PARD3: variants seen among roughly 807,000 people sequenced by gnomAD.
PARD3 encodes the protein par-3 family cell polarity regulator.
PARD3 carries 75 observed loss-of-function variants against 155.4 expected under a neutral mutation model. The observed-to-expected ratio is 0.48, with a 90% CI of 0.40 to 0.58. The LOEUF is 0.58. Among genes scored for constraint, PARD3 ranks in the 20% least tolerant of loss-of-function variants. The pLI, the probability that PARD3 is intolerant of heterozygous loss-of-function variation, is 0.00. For missense variants in PARD3, 1,642 were observed against 1,721.7 expected, an observed-to-expected ratio of 0.95 and a Z score of 0.82; for synonymous variants, 576 against 610.5, an observed-to-expected ratio of 0.94 and a Z score of 0.83.
chr10:34,629,269 T>C (rs893450233), intron 2 of PARD3, among the ~76,000 whole-genome samples: 1 of 152,212 alleles, frequency 6.6e-6, no homozygotes, highest in African/African-American at 2.4e-5. Flanking sequence ...CCTGTTAAAA[T>C]TAAATTCCAA....
intron 2 of PARD3, among the ~76,000 whole-genome samples, chr10:34,531,093 T>C (rs1441211809): frequency 1.3e-5 from 2 of 152,226 alleles, no homozygotes; most frequent in Non-Finnish European, 2.9e-5. Flanking sequence ...GCTCAGGGGT[T>C]AGCAGCTTTG....
At chr10:34,225,027 A>G (rs1323283237) in intron 22 of PARD3, among the ~76,000 whole-genome samples, 1 of 152,202 alleles carries the variant, frequency 6.6e-6, no homozygotes, top group East Asian at 1.9e-4. Flanking sequence ...AAAAAAAGAG[A>G]CCAAGATTTT....
At chr10:34,737,296 A>G (rs1253341960) in intron 1 of PARD3, among the ~76,000 whole-genome samples, 3 of 152,234 alleles carry the variant, frequency 2.0e-5, no homozygotes, top group African/African-American at 7.2e-5. Flanking sequence ...CTATGTGCTC[A>G]GGCAAGGAAG....
At chr10:34,504,134 ATTTT>A (rs374290812) in intron 3 of PARD3, among the ~76,000 whole-genome samples, 2 of 147,534 alleles carry the variant, frequency 1.4e-5, no homozygotes, top group African/African-American at 5.0e-5. Flanking sequence ...GAGCCCCCAG[ATTTT>A]TTTTTTTAAG....
intron 20 of PARD3, among the ~76,000 whole-genome samples, chr10:34,307,288 G>C (rs1036069712): frequency 6.6e-6 from 1 of 152,116 alleles, no homozygotes; most frequent in African/African-American, 2.4e-5. Context: ...TTTAAGGGAA[G>C]AAACACTTGG....
intron 2 of PARD3, among the ~76,000 whole-genome samples, chr10:34,638,131 C>T (rs2092549037): frequency 6.6e-6 from 1 of 152,156 alleles, no homozygotes; most frequent in South Asian, 2.1e-4. Flanking sequence ...CTAAAGGAGG[C>T]TGTGTGATTC....
chr10:34,334,558 T>A (rs1835952905), intron 18 of PARD3, among the ~76,000 whole-genome samples: 1 of 151,678 alleles, frequency 6.6e-6, no homozygotes, highest in African/African-American at 2.4e-5. Context: ...GAAAGAAAAA[T>A]AAGTGAAAAT....
intron 22 of PARD3, among the ~76,000 whole-genome samples, chr10:34,181,372 C>T (rs1025006786): frequency 3.9e-5 from 6 of 152,098 alleles, no homozygotes; most frequent in Non-Finnish European, 8.8e-5. Flanking sequence ...TTCAAAAATA[C>T]GTATCTGTAT....
chr10:34,213,632 G>A (rs190628841), intron 22 of PARD3, among the ~76,000 whole-genome samples: 91 of 152,242 alleles, frequency 6.0e-4, no homozygotes, highest in African/African-American at 2.0e-3. Context: ...TTGGTTATGT[G>A]GGAGGTGTAA....
intron 1 of PARD3, among the ~76,000 whole-genome samples, chr10:34,750,333 T>C (rs899294270): frequency 6.7e-6 from 1 of 150,162 alleles, no homozygotes; most frequent in African/African-American, 2.4e-5. Context: ...CTATGGAAAA[T>C]AGGACATTTC....
intron 22 of PARD3, among the ~76,000 whole-genome samples, chr10:34,177,932 G>A (rs1250718986): frequency 6.6e-6 from 1 of 152,032 alleles, no homozygotes; most frequent in African/African-American, 2.4e-5. Flanking sequence ...ACTGCTTCTC[G>A]CTTTATAAAG....
chr10:34,742,536 T>C (rs556669028), intron 1 of PARD3, among the ~76,000 whole-genome samples: 118 of 152,284 alleles, frequency 7.7e-4, no homozygotes, highest in Middle Eastern at 3.4e-3. Flanking sequence ...TCCGTGTTCA[T>C]TAAGTGTCCT....
chr10:34,499,597 AC>A (rs2080540052), intron 3 of PARD3, among the ~76,000 whole-genome samples: 1 of 152,228 alleles, frequency 6.6e-6, no homozygotes, highest in Admixed American at 6.5e-5. Context: ...TATGAAGTAC[AC>A]ATTTAAACAT....
intron 3 of PARD3, among the ~76,000 whole-genome samples, chr10:34,498,999 C>G (rs773992): frequency 1.7e-3 from 266 of 152,290 alleles, no homozygotes; most frequent in African/African-American, 6.1e-3. Flanking sequence ...TCACCATTTT[C>G]ATTACCAATA....
intron 4 of PARD3, among the ~76,000 whole-genome samples, chr10:34,452,577 G>C (rs1589629098): frequency 1.3e-5 from 2 of 152,058 alleles, no homozygotes; most frequent in African/African-American, 4.8e-5. Flanking sequence ...GTATGCTACT[G>C]GTACCCACCC....
In PARD3 at chr10:34,666,784, A is replaced by C. The variant is rs1325435276; in HGVS notation, c.222+29534T>G. ...CTCACCTACCCCTCCCCCTAAAAAA[A>C]AAAAAAAAAAAAATATATATATATA... On this transcript the variant is annotated intron_variant, in intron 2 of 24. Coordinates refer to ENST00000374788, the MANE Select transcript of PARD3 (RefSeq NM_001184785.2). Among the ~76,000 whole-genome samples, 170 of 88,834 alleles carry C rather than the reference A, an allele frequency of 1.9e-3. 4 individuals carry two copies. The highest frequency in any genetic ancestry group is 9.9e-3 in the African/African-American group (163 of 16,466). 58.3% of individuals were successfully genotyped at this position (88,834 alleles called of 152,430 possible).
intron 5 of PARD3, among the ~76,000 whole-genome samples, chr10:34,428,875 G>C (rs11009784): frequency 6.6e-6 from 1 of 152,048 alleles, no homozygotes; most frequent in Non-Finnish European, 1.5e-5. Context: ...ATAGAAGTAC[G>C]AATCAGTCAA....
At chr10:34,406,739 A>C (rs1051662416) in intron 5 of PARD3, among the ~76,000 whole-genome samples, 2 of 152,138 alleles carry the variant, frequency 1.3e-5, no homozygotes, top group East Asian at 3.8e-4. Flanking sequence ...GCATCTTGAC[A>C]GACCTGACAC....
intron 22 of PARD3, among the ~76,000 whole-genome samples, chr10:34,203,520 T>C (rs1951318751): frequency 6.6e-6 from 1 of 152,254 alleles, no homozygotes; most frequent in African/African-American, 2.4e-5. Context: ...AATATTTGCA[T>C]ATAACCTACC....
Sources: allele counts gnomAD v4.1 joint callset (sites outside exome capture counted in the v4.1 genomes callset), GRCh38; gene constraint gnomAD v4.1.1; transcripts MANE v1.5; gene names NCBI Gene and HGNC (gene_info 2026-07-23, HGNC 2026-07-21).